ZNF518A: variants seen among roughly 807,000 people sequenced by gnomAD.
The protein encoded by ZNF518A is zinc finger protein 518A, also known as zinc finger protein 518.
In ZNF518A, 47 loss-of-function variants were observed where a neutral mutation model predicts 102.7. That is an observed-to-expected ratio of 0.46 (90% CI 0.36 to 0.58). The LOEUF is 0.58. Among genes scored for constraint, ZNF518A ranks in the 20% least tolerant of loss-of-function variants. The probability of loss-of-function intolerance (pLI) is 0.00; values close to 1 mark genes in which losing one functional copy is unlikely to be tolerated. For synonymous variants in ZNF518A, 652 were observed against 594.6 expected (o/e 1.10, Z -1.40); for missense variants, 1,793 against 1,699.8 (o/e 1.05, Z -0.96).
chr10:96,204,549 C>T, downstream of ZNF518A: 1 of 1,614,026 alleles, frequency 6.2e-7, no homozygotes, highest in Non-Finnish European at 8.5e-7. Context: ...CAGGAGGAAA[C>T]ACTGGTGACT....
intron 3 of ZNF518A, among the ~76,000 whole-genome samples, chr10:96,140,925 C>G (rs1379806045): frequency 5.9e-5 from 9 of 152,046 alleles, no homozygotes; most frequent in Non-Finnish European, 1.3e-4. Flanking sequence ...GCCTGGGAGA[C>G]AGAGTAAGAC....
At position 96,158,719 on chromosome 10, in the gene ZNF518A, A is replaced by G. The variant is rs1328186259; in HGVS notation, c.2397A>G (p.Gln799=). The change falls in exon 6 of 6, where the codon CAA becomes CAG. Residue 799 remains glutamine, a synonymous_variant. Transcript: ENST00000316045. ...TGAAAATAAAACCTGATGTAAAACA[A>G]GACTCTAGTAACACTCCAAATAAAG... ...DVLKIKPDVK[Q]DSSNTPNKGL... is the part of the protein sequence containing the mutation. The G allele has an allele frequency of 1.2e-6, 2 of 1,613,410 alleles. No individual in the cohort carries two copies. The highest frequency in any genetic ancestry group is 2.7e-5 in the African/African-American group (2 of 74,910).
chr10:96,152,991 T>G (rs1459175710), intron 3 of ZNF518A, among the ~76,000 whole-genome samples: 4 of 152,316 alleles, frequency 2.6e-5, no homozygotes, highest in African/African-American at 9.6e-5. Flanking sequence ...TAAGAGGTTG[T>G]CTGCAAACTA....
intron 3 of ZNF518A, among the ~76,000 whole-genome samples, chr10:96,153,045 C>T (rs922833729): frequency 3.3e-4 from 50 of 152,292 alleles, no homozygotes; most frequent in Non-Finnish European, 5.0e-4. Context: ...CAAGTCCAAA[C>T]GCCTCAGAAC....
chr10:96,175,914 C>T (rs2083201773), intron 1 of ZNF518A, among the ~76,000 whole-genome samples: 1 of 130,470 alleles, frequency 7.7e-6, no homozygotes, highest in African/African-American at 2.7e-5. Context: ...TTCCTTCCTT[C>T]CTTCCTTCCT....
downstream of ZNF518A, among the ~76,000 whole-genome samples, chr10:96,167,408 T>G (rs2083148136): frequency 1.3e-5 from 2 of 152,262 alleles, no homozygotes; most frequent in South Asian, 4.1e-4. Context: ...GAGCCGAGAT[T>G]GCGCCATTGC....
At chr10:96,197,033 C>A in intron 1 of ZNF518A, 1 of 1,612,856 alleles carries the variant, frequency 6.2e-7, no homozygotes, top group South Asian at 1.1e-5. Flanking sequence ...GAATCATGGC[C>A]AGAGCTTTTC....
intron 1 of ZNF518A, among the ~76,000 whole-genome samples, chr10:96,198,036 A>G (rs1248520709): frequency 2.6e-5 from 4 of 151,970 alleles, no homozygotes; most frequent in Non-Finnish European, 5.9e-5. Flanking sequence ...ATTACGAACA[A>G]AAGATGGACA....
At chr10:96,151,389 A>G (rs1266700445) in intron 3 of ZNF518A, 2 of 152,272 alleles carry the variant, frequency 1.3e-5, no homozygotes, top group Non-Finnish European at 2.9e-5. Context: ...TTCAGAAATA[A>G]TGTCCTCTTT....
At chr10:96,139,901 C>G (rs1554875843) in intron 3 of ZNF518A, among the ~76,000 whole-genome samples, 1 of 152,138 alleles carries the variant, frequency 6.6e-6, no homozygotes, top group Non-Finnish European at 1.5e-5. Flanking sequence ...TTTTGTTGCC[C>G]AGGCTGGAGT....
chr10:96,171,500 T>C (rs1554890897), intron 1 of ZNF518A, among the ~76,000 whole-genome samples: 4 of 152,138 alleles, frequency 2.6e-5, no homozygotes, highest in African/African-American at 9.7e-5. Context: ...GAAAGTAGAT[T>C]AGTAGTGGTT....
chr10:96,176,757 G>A (rs1010321958), intron 1 of ZNF518A, among the ~76,000 whole-genome samples: 14 of 145,496 alleles, frequency 9.6e-5, no homozygotes, highest in African/African-American at 2.8e-4. Flanking sequence ...TTAGCTGGGC[G>A]TGGTGGCAGA....
intron 1 of ZNF518A, among the ~76,000 whole-genome samples, chr10:96,182,307 T>G (rs1456246498): frequency 6.6e-6 from 1 of 152,202 alleles, no homozygotes; most frequent in Non-Finnish European, 1.5e-5. Context: ...ATTTCCTAAT[T>G]GAATACCCTT....
intron 3 of ZNF518A, among the ~76,000 whole-genome samples, chr10:96,150,281 C>T (rs1219459414): frequency 2.7e-5 from 4 of 150,116 alleles, no homozygotes; most frequent in African/African-American, 9.8e-5. Flanking sequence ...TTGCAGTGAG[C>T]TGAGATTGCA....
chr10:96,160,463 A>G lies in ZNF518A; in HGVS notation c.4141A>G (p.Lys1381Glu), dbSNP rs782548906. 6.2e-7 allele frequency: 1 copy of G among 1,613,408 alleles called. No homozygotes were observed. The highest frequency in any genetic ancestry group is 2.2e-5 in the East Asian group (1 of 44,868). The stretch of plus-strand genomic sequence containing the variant: ...ACATGTACTTAAGGTTTCATTGTCA[A>G]AAAGAACTATAAATGCTTTACTGAA... Reference protein sequence around the residue: ...NGHVLKVSLSKRTINALLKPV... With the variant: ...NGHVLKVSLSERTINALLKPV... The change falls in exon 6 of 6, where the codon AAA (lysine) becomes GAA (glutamate). Residue 1381 changes from lysine (K) to glutamate (E), a missense_variant. Lys to Glu is a moderately conservative substitution (Grantham distance 56, BLOSUM62 1). This residue lies in a region of ZNF518A where 1,741 missense variants were observed against 1,622.6 expected (regional missense o/e 1.07). Coordinates refer to ENST00000316045, the MANE Select transcript of ZNF518A (RefSeq NM_001330736.2).
At chr10:96,165,758 G>A (rs1476171885), downstream of ZNF518A, among the ~76,000 whole-genome samples, 1 of 152,174 alleles carries the variant, frequency 6.6e-6, no homozygotes, top group African/African-American at 2.4e-5. Flanking sequence ...GTTGGAGTAA[G>A]CTTCAAAAAC....
At chr10:96,189,013 G>A (rs903888950) in intron 1 of ZNF518A, among the ~76,000 whole-genome samples, 11 of 152,072 alleles carry the variant, frequency 7.2e-5, no homozygotes, top group African/African-American at 1.4e-4. Context: ...TCTTCATGTC[G>A]TAATCTTTTT....
At chr10:96,178,437 T>A (rs2083218502) in intron 1 of ZNF518A, among the ~76,000 whole-genome samples, 1 of 152,170 alleles carries the variant, frequency 6.6e-6, no homozygotes, top group Admixed American at 6.5e-5. Context: ...TACAATTCAT[T>A]GAATGTTACT....
chr10:96,167,321 G>A (rs1205628063), downstream of ZNF518A, among the ~76,000 whole-genome samples: 9 of 152,106 alleles, frequency 5.9e-5, no homozygotes, highest in African/African-American at 2.2e-4. Flanking sequence ...GCCAAGCGTG[G>A]TGGGCGCCTG....
Sources: allele counts gnomAD v4.1 joint callset (sites outside exome capture counted in the v4.1 genomes callset), GRCh38; gene constraint gnomAD v4.1.1; regional missense constraint gnomAD v4.1.1; transcripts MANE v1.5; gene names NCBI Gene and HGNC (gene_info 2026-07-23, HGNC 2026-07-21).